The following ZNF469 variants were observed in gnomAD, a reference collection of about 807,000 sequenced individuals.
ZNF469 encodes zinc finger protein 469.
A neutral mutation model predicts 1.0 loss-of-function variants in ZNF469; 1 was observed. The observed-to-expected ratio is 1.00, with a 90% CI of 0.35 to 4.73. ZNF469 has a LOEUF of 4.73. Ranked by LOEUF, ZNF469 falls within the 30% of genes most tolerant of loss-of-function variation. ZNF469 has a pLI of 0.16. For synonymous variants in ZNF469, 2,703 were observed against 2,363.4 expected (o/e 1.14, Z -4.17); for missense variants, 6,100 against 5,356.3 (o/e 1.14, Z -4.33).
chr16:88,113,524 A>T, the ZNF469 span, among the ~76,000 whole-genome samples: 1 of 152,178 alleles, frequency 6.6e-6, no homozygotes, highest in Non-Finnish European at 1.5e-5. Context: ...TGGACGCAGG[A>T]CGTGAGGACC....
At position 88,430,457 on chromosome 16, in the gene ZNF469, G is replaced by T. The variant is rs946089261; in HGVS notation, c.2987G>T (p.Arg996Leu). 1 of 1,478,174 alleles carries T rather than the reference G, an allele frequency of 6.8e-7. No individual in the cohort carries two copies. Among genetic ancestry groups the T allele is most frequent in the East Asian group, 2.7e-5 (1 of 37,346 alleles). 91.6% of individuals were successfully genotyped at this position (1,478,174 alleles called of 1,614,324 possible). ...LGERPPPRPRRPRTQAPGSRA... is the reference protein window; with the variant it reads ...LGERPPPRPRLPRTQAPGSRA... ...GAGCGGCCCCCACCCCGTCCCCGGC[G>T]CCCTAGAACGCAGGCCCCCGGGAGC... Residue 996 changes from arginine (R) to leucine (L), a missense_variant, in exon 3 of 3, where the codon CGC (arginine) becomes CTC (leucine). Arg to Leu is a moderately radical substitution (Grantham distance 102, BLOSUM62 -2). Coordinates refer to ENST00000565624, the MANE Select transcript of ZNF469 (RefSeq NM_001367624.2).
the ZNF469 span, among the ~76,000 whole-genome samples, chr16:88,353,480 C>T: frequency 6.6e-6 from 1 of 152,228 alleles, no homozygotes; most frequent in Non-Finnish European, 1.5e-5. Context: ...CTGTACAGAG[C>T]CACCAGCGGC....
chr16:88,163,449 G>T, the ZNF469 span, among the ~76,000 whole-genome samples: 2 of 150,688 alleles, frequency 1.3e-5, no homozygotes, highest in East Asian at 2.0e-4. Context: ...GGTAGATGGA[G>T]TGATGGATGG....
chr16:88,276,715 G>C, the ZNF469 span: 1 of 152,272 alleles, frequency 6.6e-6, no homozygotes, highest in Non-Finnish European at 1.5e-5. Flanking sequence ...GCATGGGTCA[G>C]TGCTGCACCA....
At chr16:88,129,129 C>G in the ZNF469 span, among the ~76,000 whole-genome samples, 1 of 152,232 alleles carries the variant, frequency 6.6e-6, no homozygotes, top group Admixed American at 6.5e-5. Context: ...CAAAAAGTAC[C>G]TGCCTCATTC....
At chr16:88,280,709 C>A in the ZNF469 span, among the ~76,000 whole-genome samples, 1 of 151,526 alleles carries the variant, frequency 6.6e-6, no homozygotes, top group Non-Finnish European at 1.5e-5. Context: ...CTGTGCCACA[C>A]CGATGCTTGG....
At chr16:88,131,880 G>A in the ZNF469 span, among the ~76,000 whole-genome samples, 2 of 152,086 alleles carry the variant, frequency 1.3e-5, no homozygotes, top group South Asian at 4.2e-4. Flanking sequence ...GGGTGGCTTG[G>A]GGCGCCCACC....
chr16:88,143,630 C>T, the ZNF469 span, among the ~76,000 whole-genome samples: 7 of 152,234 alleles, frequency 4.6e-5, no homozygotes, highest in Non-Finnish European at 1.0e-4. Flanking sequence ...GTGTCAGACA[C>T]GGGTGAAAAT....
chr16:88,148,437 C>T, the ZNF469 span, among the ~76,000 whole-genome samples: 1 of 152,132 alleles, frequency 6.6e-6, no homozygotes. Flanking sequence ...CACCAGCGTC[C>T]CACTCTGTGA....
chr16:88,257,040 C>G, the ZNF469 span, among the ~76,000 whole-genome samples: 9 of 150,130 alleles, frequency 6.0e-5, no homozygotes, highest in African/African-American at 2.0e-4. Context: ...CCTCCGCCTC[C>G]TAGGTTCAAG....
chr16:88,386,539 G>A (rs981574626), intron 1 of ZNF469, among the ~76,000 whole-genome samples: 3 of 152,142 alleles, frequency 2.0e-5, no homozygotes, highest in East Asian at 1.9e-4. Flanking sequence ...CCCCCTTGAC[G>A]AAGGGGCCCT....
At chr16:88,391,032 C>A (rs897811291) in intron 1 of ZNF469, among the ~76,000 whole-genome samples, 3 of 152,252 alleles carry the variant, frequency 2.0e-5, no homozygotes, top group African/African-American at 7.2e-5. Context: ...AGGCTGCTGT[C>A]CTGGCGATGG....
the ZNF469 span, among the ~76,000 whole-genome samples, chr16:88,320,539 A>G: frequency 6.6e-6 from 1 of 152,058 alleles, no homozygotes. Context: ...GCCCACCACC[A>G]TATCTGGCTA....
chr16:88,100,956 C>G, the ZNF469 span: 41 of 279,124 alleles, frequency 1.5e-4, no homozygotes, highest in Middle Eastern at 2.6e-3. Context: ...AGCCCCAACG[C>G]GCTGCTGCTG....
At chr16:88,100,957 G>A in the ZNF469 span, 6 of 268,006 alleles carry the variant, frequency 2.2e-5, no homozygotes. Context: ...GCCCCAACGC[G>A]CTGCTGCTGC....
chr16:88,245,592 C>T, the ZNF469 span, among the ~76,000 whole-genome samples: 4 of 152,254 alleles, frequency 2.6e-5, no homozygotes, highest in South Asian at 2.1e-4. Context: ...TGAGTCACCA[C>T]GTGACGGTCA....
At chr16:88,146,942 G>T in the ZNF469 span, among the ~76,000 whole-genome samples, 2 of 152,026 alleles carry the variant, frequency 1.3e-5, no homozygotes, top group African/African-American at 4.8e-5. Context: ...CCTCCTGGGG[G>T]TGTCTCAAGC....
the ZNF469 span, among the ~76,000 whole-genome samples, chr16:88,322,936 C>T: frequency 1.3e-5 from 2 of 152,198 alleles, no homozygotes; most frequent in African/African-American, 4.8e-5. Flanking sequence ...GATGACAGCT[C>T]TCGGCTCCTC....
intron 1 of ZNF469, among the ~76,000 whole-genome samples, chr16:88,384,405 T>C (rs1225151830): frequency 6.6e-6 from 1 of 151,982 alleles, no homozygotes; most frequent in Non-Finnish European, 1.5e-5. Flanking sequence ...ATAAACAAAA[T>C]AAACAGGTAA....
Sources: allele counts gnomAD v4.1 joint callset (sites outside exome capture counted in the v4.1 genomes callset), GRCh38; gene constraint gnomAD v4.1.1; transcripts MANE v1.5; gene names NCBI Gene and HGNC (gene_info 2026-07-23, HGNC 2026-07-21).